The following METTL15 variants were observed in gnomAD, a reference collection of about 807,000 sequenced individuals.
METTL15 encodes the protein methyltransferase 15, mitochondrial 12S rRNA N4-cytidine.
METTL15 carries 34 observed loss-of-function variants against 38.3 expected under a neutral mutation model. That is an observed-to-expected ratio of 0.89 (90% CI 0.68 to 1.18). The LOEUF (loss-of-function observed/expected upper bound fraction) is 1.18. Ranked by LOEUF, METTL15 falls within the 50% of genes most tolerant of loss-of-function variation. The pLI, the probability that METTL15 is intolerant of heterozygous loss-of-function variation, is 0.00. For missense variants in METTL15, 438 were observed against 498.4 expected (o/e 0.88, Z 1.15); for synonymous variants, 162 against 170.9 (o/e 0.95, Z 0.41).
intron 4 of METTL15, among the ~76,000 whole-genome samples, chr11:28,255,725 C>T (rs955518259): frequency 3.9e-5 from 6 of 152,172 alleles, no homozygotes; most frequent in East Asian, 1.9e-4. Flanking sequence ...TTCTTTGAGA[C>T]GGAGTTTCGC....
At chr11:28,445,405 A>G (rs1266708331) in intron 6 of METTL15, among the ~76,000 whole-genome samples, 1 of 152,144 alleles carries the variant, frequency 6.6e-6, no homozygotes, top group African/African-American at 2.4e-5. Context: ...ATTTTCTCCT[A>G]TATAAACATG....
chr11:28,254,036 T>C (rs1854864640), intron 4 of METTL15, among the ~76,000 whole-genome samples: 1 of 152,202 alleles, frequency 6.6e-6, no homozygotes, highest in Admixed American at 6.5e-5. Flanking sequence ...GCTCTATTTT[T>C]AGTTTTTTGA....
intron 4 of METTL15, among the ~76,000 whole-genome samples, chr11:28,218,354 G>A (rs568287908): frequency 5.3e-5 from 8 of 152,082 alleles, no homozygotes; most frequent in Admixed American, 1.3e-4. Context: ...ATTTGGCTCT[G>A]TGTTTGTCTG....
intron 4 of METTL15, among the ~76,000 whole-genome samples, chr11:28,272,398 A>G (rs996795932): frequency 6.6e-6 from 1 of 152,162 alleles, no homozygotes; most frequent in Non-Finnish European, 1.5e-5. Context: ...ATAAAAAAGG[A>G]CGAGTTCATG....
intron 2 of METTL15, 75 bp downstream of exon 2, chr11:28,110,476 C>T (rs1414517124): frequency 1.3e-5 from 2 of 152,192 alleles, no homozygotes; most frequent in East Asian, 3.9e-4. Flanking sequence ...CCACAGGGGT[C>T]GCTGGATTCG....
chr11:28,322,227 T>A (rs907849919), intron 6 of METTL15, among the ~76,000 whole-genome samples: 13 of 152,028 alleles, frequency 8.6e-5, no homozygotes, highest in Non-Finnish European at 1.6e-4. Context: ...TTAAAAGACA[T>A]TTACAAATGT....
At chr11:28,496,437 C>G (rs1590394396) in intron 6 of METTL15, among the ~76,000 whole-genome samples, 1 of 152,178 alleles carries the variant, frequency 6.6e-6, no homozygotes. Flanking sequence ...CACAGACAAA[C>G]CATATCAATG....
chr11:28,197,454 G>A (rs924547699), intron 3 of METTL15: 4 of 426,656 alleles, frequency 9.4e-6, no homozygotes, highest in African/African-American at 6.1e-5. Context: ...TTGTTCATGT[G>A]TATTGTCTTA....
intron 6 of METTL15, among the ~76,000 whole-genome samples, chr11:28,314,789 G>C (rs1730183648): frequency 1.3e-5 from 2 of 152,138 alleles, no homozygotes; most frequent in Admixed American, 6.6e-5. Context: ...TGAATTATGG[G>C]GGCAGGTCTT....
intron 4 of METTL15, among the ~76,000 whole-genome samples, chr11:28,250,117 T>G (rs1042343426): frequency 2.0e-5 from 3 of 152,090 alleles, no homozygotes; most frequent in Non-Finnish European, 4.4e-5. Context: ...CTTTATTCAG[T>G]GTACTATTGA....
At chr11:28,327,345 C>T (rs532368050) in intron 6 of METTL15, among the ~76,000 whole-genome samples, 51 of 152,276 alleles carry the variant, frequency 3.3e-4, no homozygotes, top group Non-Finnish European at 6.5e-4. Context: ...CATCTATTCC[C>T]AAATATAGCT....
chr11:28,240,694 T>C (rs1854255802), intron 4 of METTL15, among the ~76,000 whole-genome samples: 1 of 152,180 alleles, frequency 6.6e-6, no homozygotes, highest in Non-Finnish European at 1.5e-5. Flanking sequence ...GTATTGGCAA[T>C]CTTTTAATTT....
chr11:28,430,697 G>A (rs1349159109), intron 6 of METTL15, among the ~76,000 whole-genome samples: 3 of 117,098 alleles, frequency 2.6e-5, no homozygotes, highest in South Asian at 3.1e-4. Context: ...CCCTCTGCCC[G>A]GCCAGCCGCC....
intron 6 of METTL15, among the ~76,000 whole-genome samples, chr11:28,472,527 CA>C (rs1851311810): frequency 6.6e-6 from 1 of 152,064 alleles, no homozygotes; most frequent in Admixed American, 6.6e-5. Context: ...CTCCCAGAGG[CA>C]TCAGAGGCAA....
At chr11:28,379,691 G>A (rs1850360623) in intron 5 of METTL15, among the ~76,000 whole-genome samples, 1 of 152,124 alleles carries the variant, frequency 6.6e-6, no homozygotes, top group Non-Finnish European at 1.5e-5. Context: ...ATTGCAGTTG[G>A]GTGAAATATT....
chr11:28,113,687 AT>A, intron 3 of METTL15, 83 bp downstream of exon 3: 1 of 1,449,656 alleles, frequency 6.9e-7, no homozygotes, highest in Non-Finnish European at 9.3e-7. Context: ...AAGGTATACA[AT>A]TCAGTGGCCT....
intron 3 of METTL15, chr11:28,124,014 A>G: frequency 1.8e-6 from 1 of 567,446 alleles, no homozygotes; most frequent in Non-Finnish European, 2.7e-6. Flanking sequence ...TATATTATTG[A>G]CTGTGCTTTT....
At chr11:28,427,359 A>C (rs565605017) in intron 6 of METTL15, among the ~76,000 whole-genome samples, 26 of 152,274 alleles carry the variant, frequency 1.7e-4, no homozygotes, top group African/African-American at 6.0e-4. Context: ...GTTTGAAATC[A>C]GGTAGTGTGA....
At chr11:28,345,370 C>T (rs1429550004) in intron 3 of METTL15, among the ~76,000 whole-genome samples, 2 of 151,870 alleles carry the variant, frequency 1.3e-5, no homozygotes, top group Non-Finnish European at 2.9e-5. Flanking sequence ...TTGTATTTTT[C>T]GTAGAGACGG....
Sources: gnomAD v4.1 joint callset for allele counts (sites outside exome capture counted in the v4.1 genomes callset) on GRCh38, gnomAD v4.1.1 for gene constraint, MANE v1.5 for transcripts, NCBI Gene and HGNC (gene_info 2026-07-23, HGNC 2026-07-21) for gene names.